Variants in IL2RA observed in about 807,000 individuals in gnomAD.
The protein encoded by IL2RA is interleukin 2 receptor subunit alpha.
A neutral mutation model predicts 37.8 loss-of-function variants in IL2RA; 24 were observed. The ratio of observed to expected loss-of-function variants is 0.63; its 90% CI spans 0.46 to 0.89. The LOEUF (loss-of-function observed/expected upper bound fraction) is 0.89. IL2RA is among the 40% of genes least tolerant of loss of function. IL2RA has a pLI of 0.00. For missense variants in IL2RA, 319 were observed against 348.6 expected (o/e 0.92, Z 0.68); for synonymous variants, 125 against 114.6 (o/e 1.09, Z -0.58).
chr10:6,018,409 C>T lies in IL2RA; in HGVS notation c.728-290G>A, dbSNP rs202060940. ...GAGGCCAGGCCTCGTTTAAGGACAC[C>T]GAGAGCGCCTGGTAAAAGAAATGTT... On this transcript the variant is annotated intron_variant, in intron 6 of 7. Coordinates refer to ENST00000379959, the MANE Select transcript of IL2RA (RefSeq NM_000417.3). This position sits in a 1 kb window ranked among gnomAD's most constrained non-coding sequence, Gnocchi z 5.1. 9.2e-5 allele frequency among the ~76,000 whole-genome samples: 14 copies of T among 152,214 alleles called. No individual in the cohort carries two copies. In the South Asian group the frequency reaches 1.9e-3, roughly 20 times the overall value.
In IL2RA at chr10:6,047,339, G is replaced by A. The variant is rs1461300000; in HGVS notation, c.64+14749C>T. On this transcript the variant is annotated intron_variant, in intron 1 of 7. Coordinates refer to ENST00000379959, the MANE Select transcript of IL2RA (RefSeq NM_000417.3). This position sits in a 1 kb window ranked among gnomAD's most constrained non-coding sequence, Gnocchi z 5.0. ...ACACTCAGAACGCGGGATGAACATA[G>A]AGGAAACACTAGAATGGCAAAGGCT... is the stretch of plus-strand genomic sequence containing the variant. Among the ~76,000 whole-genome samples, 2 of 152,192 alleles carry A rather than the reference G, an allele frequency of 1.3e-5. No individual in the cohort carries two copies. Among genetic ancestry groups the A allele is most frequent in the African/African-American group, 4.8e-5 (2 of 41,446 alleles).
intron 3 of IL2RA, among the ~76,000 whole-genome samples, chr10:6,023,986 C>G (rs1018463345): frequency 1.2e-4 from 18 of 152,222 alleles, no homozygotes; most frequent in African/African-American, 4.1e-4. Context: ...GGGTTGAATT[C>G]TATTTGGCCA....
chr10:6,051,667 G>A (rs1482045903), intron 1 of IL2RA, among the ~76,000 whole-genome samples: 1 of 146,812 alleles, frequency 6.8e-6, no homozygotes, highest in East Asian at 2.0e-4. Flanking sequence ...TTACAGGCAT[G>A]TGCCACCACA....
At chr10:6,041,049 G>C (rs1052685281) in intron 1 of IL2RA, among the ~76,000 whole-genome samples, 1 of 151,906 alleles carries the variant, frequency 6.6e-6, no homozygotes, top group Non-Finnish European at 1.5e-5. Flanking sequence ...GGAACTGGGA[G>C]AGATGTTAAT....
At position 6,018,450 on chromosome 10, in the gene IL2RA, T is replaced by C. The variant is rs1226120975; in HGVS notation, c.728-331A>G. Among the ~76,000 whole-genome samples the C allele has an allele frequency of 6.6e-6, 1 of 151,850 alleles. No individual in the cohort carries two copies. Among genetic ancestry groups the C allele is most frequent in the African/African-American group, 2.4e-5 (1 of 41,338 alleles). On this transcript the variant is annotated intron_variant, in intron 6 of 7. Coordinates refer to ENST00000379959, the MANE Select transcript of IL2RA (RefSeq NM_000417.3). This position sits in a 1 kb window ranked among gnomAD's most constrained non-coding sequence, Gnocchi z 5.1. ...AAGAAATGTTGAAATATGAAGATGA[T>C]GAGAAGCACATTAACATCTCCTGAA...
chr10:6,024,398 T>C, intron 2 of IL2RA, 44 bp from the exon 3 acceptor site: 1 of 1,381,730 alleles, frequency 7.2e-7, no homozygotes, highest in Non-Finnish European at 1.0e-6. Context: ...TCACAAATGC[T>C]TCATAGAAAA....
intron 6 of IL2RA, among the ~76,000 whole-genome samples, chr10:6,019,136 CAACCAACT>C (rs889155853): frequency 2.0e-5 from 3 of 150,770 alleles, no homozygotes; most frequent in African/African-American, 7.5e-5. Context: ...ACCAACCTAC[CAACCAACT>C]AACCAACTAA....
intron 1 of IL2RA, among the ~76,000 whole-genome samples, chr10:6,043,447 G>GT (rs201722546): frequency 0.017 from 2,577 of 150,702 alleles, 67 homozygotes; most frequent in African/African-American, 0.059. Context: ...TGTTTGTTTT[G>GT]TTTTTTTTTG....
In IL2RA at chr10:6,054,405, C is replaced by T. The variant is rs987273646; in HGVS notation, c.64+7683G>A. ...GATCAGTGACCCATTGAACCGAGGA[C>T]GTCTACCGGGGACCAATGACACCTG... On this transcript the variant is annotated intron_variant, in intron 1 of 7. Coordinates refer to ENST00000379959, the MANE Select transcript of IL2RA (RefSeq NM_000417.3). This position sits in a 1 kb window ranked among gnomAD's most constrained non-coding sequence, Gnocchi z 4.5. Among the ~76,000 whole-genome samples, 3 of 152,136 alleles carry T rather than the reference C, an allele frequency of 2.0e-5. No individual in the cohort carries two copies. The highest frequency in any genetic ancestry group is 1.9e-4 in the East Asian group (1 of 5,196).
In IL2RA at chr10:6,054,532, C is replaced by CAA. The variant is rs1491557689; in HGVS notation, c.64+7555_64+7556insTT. ...GAGAATCTGAGACTCATTTGCTTGGCACACACACACAAAACTTCATGTATG... is the reference window on the plus strand; with the variant it reads ...GAGAATCTGAGACTCATTTGCTTGGCAAACACACACACAAAACTTCATGTATG... On this transcript the variant is annotated intron_variant, in intron 1 of 7. Transcript: ENST00000379959. The surrounding 1 kb of genome is among the most constrained non-coding windows in gnomAD (Gnocchi z 4.5). 1.0e-3 allele frequency among the ~76,000 whole-genome samples: 157 copies of CAA among 150,054 alleles called. 2 individuals carry two copies. Among genetic ancestry groups the CAA allele is most frequent in the Admixed American group, 0.01 (156 of 15,214 alleles).
intron 1 of IL2RA, among the ~76,000 whole-genome samples, chr10:6,031,512 GTA>G (rs58221909): frequency 7.6e-5 from 4 of 52,696 alleles, no homozygotes; most frequent in Non-Finnish European, 1.1e-4. Context: ...ATATATATAT[GTA>G]TATATATGTA....
rs1335287793 is a variant in IL2RA, at chr10:6,048,575, G to T, written c.64+13513C>A. 6.6e-6 allele frequency among the ~76,000 whole-genome samples: 1 copy of T among 152,198 alleles called. No individual in the cohort carries two copies. Among genetic ancestry groups the T allele is most frequent in the Non-Finnish European group, 1.5e-5 (1 of 68,028 alleles). ...TATGTAGCCTTACAGCACCCAGCAGGGTCTGTGTTATTCCCATTTTATACG... is the reference window on the plus strand; with the variant it reads ...TATGTAGCCTTACAGCACCCAGCAGTGTCTGTGTTATTCCCATTTTATACG... On this transcript the variant is annotated intron_variant, in intron 1 of 7. Transcript: ENST00000379959. This position sits in a 1 kb window ranked among gnomAD's most constrained non-coding sequence, Gnocchi z 5.3.
At chr10:6,017,098 G>C in intron 7 of IL2RA, 1 of 166,848 alleles carries the variant, frequency 6.0e-6, no homozygotes, top group South Asian at 1.8e-4. Flanking sequence ...GAGAAGCACA[G>C]CCCTTTGGAC....
chr10:6,053,400 G>T (rs1318977513), intron 1 of IL2RA, among the ~76,000 whole-genome samples: 1 of 152,214 alleles, frequency 6.6e-6, no homozygotes, highest in South Asian at 2.1e-4. Flanking sequence ...TTTAGGCAAT[G>T]GATATTCACT....
rs747610624 is a variant in IL2RA, at chr10:6,062,181, G to A, written c.-30C>T. 2 of 1,597,082 alleles carry A rather than the reference G, an allele frequency of 1.3e-6. No individual in the cohort carries two copies. The highest frequency in any genetic ancestry group is 2.2e-5 in the South Asian group (2 of 90,734). Reference sequence around the variant, plus strand: ...CTGACCCTTGGGACCAGCCGGGGCAGTGAAGCGGAGGTCTTTCTCTGCAGA... The same window carrying A: ...CTGACCCTTGGGACCAGCCGGGGCAATGAAGCGGAGGTCTTTCTCTGCAGA... On this transcript the variant is annotated 5_prime_UTR_variant, in exon 1 of 8. Coordinates refer to ENST00000379959, the MANE Select transcript of IL2RA (RefSeq NM_000417.3).
At chr10:6,052,439 A>G (rs1180142336) in intron 1 of IL2RA, among the ~76,000 whole-genome samples, 1 of 152,214 alleles carries the variant, frequency 6.6e-6, no homozygotes, top group African/African-American at 2.4e-5. Flanking sequence ...TGCCTGACAC[A>G]TAGCAGTTCC....
chr10:6,050,235 T>A (rs1437388583), intron 1 of IL2RA, among the ~76,000 whole-genome samples: 1 of 152,216 alleles, frequency 6.6e-6, no homozygotes, highest in African/African-American at 2.4e-5. Flanking sequence ...GTTGACAGCT[T>A]GCTTCCTGTG....
chr10:6,035,323 G>A lies in IL2RA; in HGVS notation c.65-9298C>T, dbSNP rs1161698786. ...GGGCAGGGATGGAGAGTGAGGGCCT[G>A]CCTTCATGGCAGTAGGCTCTGAGTG... is the stretch of plus-strand genomic sequence containing the variant. On this transcript the variant is annotated intron_variant, in intron 1 of 7. Coordinates refer to ENST00000379959, the MANE Select transcript of IL2RA (RefSeq NM_000417.3). This position sits in a 1 kb window ranked among gnomAD's most constrained non-coding sequence, Gnocchi z 5.4. Among the ~76,000 whole-genome samples the A allele has an allele frequency of 6.6e-6, 1 of 152,228 alleles. No homozygotes were observed. The highest frequency in any genetic ancestry group is 2.4e-5 in the African/African-American group (1 of 41,466).
chr10:6,015,541 A>C lies in IL2RA; in HGVS notation c.794+2512T>G, dbSNP rs1041642054. Among the ~76,000 whole-genome samples the C allele has an allele frequency of 1.3e-5, 2 of 152,220 alleles. No homozygotes were observed. Among genetic ancestry groups the C allele is most frequent in the Non-Finnish European group, 2.9e-5 (2 of 68,030 alleles). On this transcript the variant is annotated intron_variant, in intron 7 of 7. Transcript: ENST00000379959. This position sits in a 1 kb window ranked among gnomAD's most constrained non-coding sequence, Gnocchi z 4.9. Reference sequence around the variant, plus strand: ...GTCAGAAACTCCACAGGTGGGACCCAGCAATCTGTGCTTTAACAAGGCCTC... The same window carrying C: ...GTCAGAAACTCCACAGGTGGGACCCCGCAATCTGTGCTTTAACAAGGCCTC...
Sources: allele counts gnomAD v4.1 joint callset (sites outside exome capture counted in the v4.1 genomes callset), GRCh38; gene constraint gnomAD v4.1.1; non-coding constraint Gnocchi (gnomAD v3.1); transcripts MANE v1.5; gene names NCBI Gene and HGNC (gene_info 2026-07-23, HGNC 2026-07-21).